Variants in SCRG1 observed in about 807,000 individuals in gnomAD.
SCRG1 encodes scrapie-responsive protein 1.
SCRG1 carries 3 observed loss-of-function variants against 7.7 expected under a neutral mutation model. The observed-to-expected ratio is 0.39, with a 90% CI of 0.18 to 1.01. The LOEUF is 1.01. Among genes scored for constraint, SCRG1 ranks in the 50% least tolerant of loss-of-function variants. SCRG1 has a pLI of 0.36. For synonymous variants in SCRG1, 46 were observed against 41.2 expected (o/e 1.12, Z -0.44); for missense variants, 110 against 117.2 (o/e 0.94, Z 0.28).
At chr4:173,479,316 TAG>T in the SCRG1 span, among the ~76,000 whole-genome samples, 1 of 152,134 alleles carries the variant, frequency 6.6e-6, no homozygotes, top group African/African-American at 2.4e-5. Context: ...AGGTTTATTG[TAG>T]ACACTGGTTC....
At chr4:173,437,669 G>GA in the SCRG1 span, among the ~76,000 whole-genome samples, 3 of 152,166 alleles carry the variant, frequency 2.0e-5, no homozygotes, top group Admixed American at 2.0e-4. Context: ...TCAGAAGCTA[G>GA]AATTACCAAA....
chr4:173,467,614 A>T, the SCRG1 span, among the ~76,000 whole-genome samples: 31 of 152,078 alleles, frequency 2.0e-4, no homozygotes, highest in Non-Finnish European at 4.3e-4. Flanking sequence ...AATTCTTAGA[A>T]CCCCTCCCGC....
At chr4:173,488,325 C>T in the SCRG1 span, among the ~76,000 whole-genome samples, 434 of 152,076 alleles carry the variant, frequency 2.9e-3, 3 homozygotes, top group African/African-American at 9.9e-3. Flanking sequence ...AAATCTCAGT[C>T]CATTCTGGGA....
the SCRG1 span, among the ~76,000 whole-genome samples, chr4:173,437,218 G>A: frequency 6.6e-6 from 1 of 152,056 alleles, no homozygotes; most frequent in Non-Finnish European, 1.5e-5. Context: ...AGCAATCTTA[G>A]GGCAATTTAC....
chr4:173,506,332 G>T, the SCRG1 span, among the ~76,000 whole-genome samples: 3 of 152,144 alleles, frequency 2.0e-5, no homozygotes, highest in Non-Finnish European at 4.4e-5. The surrounding 1 kb of genome is among the most constrained non-coding windows in gnomAD (Gnocchi z 5.3). Context: ...GTATGCTAGA[G>T]GCTCGTGGAG....
the SCRG1 span, among the ~76,000 whole-genome samples, chr4:173,479,054 A>T: frequency 1.3e-5 from 2 of 152,164 alleles, no homozygotes; most frequent in Non-Finnish European, 2.9e-5. Context: ...GCTTGTTCGT[A>T]CACTGGGTGC....
chr4:173,484,046 A>T, the SCRG1 span, among the ~76,000 whole-genome samples: 1 of 89,022 alleles, frequency 1.1e-5, no homozygotes, highest in Non-Finnish European at 1.9e-5. Flanking sequence ...ATAATTATAA[A>T]TATAATATAC....
upstream of SCRG1, among the ~76,000 whole-genome samples, chr4:173,411,309 AC>A (rs1198143155): frequency 1.4e-4 from 21 of 152,386 alleles, no homozygotes; most frequent in African/African-American, 4.6e-4. Context: ...CCTTGTGGCT[AC>A]AAAGATTCAG....
chr4:173,422,640 T>C, the SCRG1 span, among the ~76,000 whole-genome samples: 2 of 152,196 alleles, frequency 1.3e-5, no homozygotes, highest in African/African-American at 4.8e-5. Context: ...TCTAAATTGT[T>C]AAACAAGAGA....
the SCRG1 span, among the ~76,000 whole-genome samples, chr4:173,457,596 G>T: frequency 3.3e-5 from 5 of 152,182 alleles, no homozygotes; most frequent in Admixed American, 6.5e-5. Context: ...GGCTAGCAAG[G>T]CTGGCACTTG....
At chr4:173,405,621 C>T (rs1050260727) in intron 1 of SCRG1, among the ~76,000 whole-genome samples, 1 of 152,192 alleles carries the variant, frequency 6.6e-6, no homozygotes, top group African/African-American at 2.4e-5. Flanking sequence ...AGGATGAACT[C>T]ATGTATATTT....
chr4:173,408,221 A>G (rs1739957779), upstream of SCRG1, among the ~76,000 whole-genome samples: 1 of 152,220 alleles, frequency 6.6e-6, no homozygotes, highest in Non-Finnish European at 1.5e-5. Flanking sequence ...AGAGTCACCT[A>G]TGTCCACTGA....
At chr4:173,494,489 C>G in the SCRG1 span, among the ~76,000 whole-genome samples, 1 of 152,260 alleles carries the variant, frequency 6.6e-6, no homozygotes, top group Non-Finnish European at 1.5e-5. Context: ...ACGGGGTGCG[C>G]TCTTCACCTT....
At chr4:173,416,453 T>C in the SCRG1 span, among the ~76,000 whole-genome samples, 1 of 152,104 alleles carries the variant, frequency 6.6e-6, no homozygotes, top group Non-Finnish European at 1.5e-5. Context: ...GGAAGGAAGT[T>C]TCCAAATTTC....
the SCRG1 span, among the ~76,000 whole-genome samples, chr4:173,457,997 G>T: frequency 2.0e-5 from 3 of 152,146 alleles, no homozygotes; most frequent in African/African-American, 7.2e-5. Flanking sequence ...GATTCTACAG[G>T]CACCTGGCAG....
the SCRG1 span, among the ~76,000 whole-genome samples, chr4:173,512,477 CT>C: frequency 6.6e-6 from 1 of 152,260 alleles, no homozygotes; most frequent in Non-Finnish European, 1.5e-5. Context: ...ACCCTCTCCC[CT>C]GGCACTCAAG....
At chr4:173,407,072 G>C (rs1488005850), upstream of SCRG1, among the ~76,000 whole-genome samples, 5 of 150,846 alleles carry the variant, frequency 3.3e-5, no homozygotes. Flanking sequence ...AGCCAGGCAT[G>C]GGGGCACATG....
the SCRG1 span, among the ~76,000 whole-genome samples, chr4:173,515,432 A>AC: frequency 5.9e-5 from 9 of 151,976 alleles, 1 homozygote; most frequent in South Asian, 1.0e-3. This position sits in a 1 kb window ranked among gnomAD's most constrained non-coding sequence, Gnocchi z 4.6. Context: ...TAAAAAAAAA[A>AC]AACTTTAAGT....
chr4:173,482,920 CATATA>C, the SCRG1 span, among the ~76,000 whole-genome samples: 25 of 131,468 alleles, frequency 1.9e-4, no homozygotes, highest in Middle Eastern at 3.7e-3. Context: ...ATATATAATA[CATATA>C]ATATATTATA....
Sources: gnomAD v4.1 joint callset for allele counts (sites outside exome capture counted in the v4.1 genomes callset) on GRCh38, gnomAD v4.1.1 for gene constraint, Gnocchi (gnomAD v3.1) non-coding constraint, MANE v1.5 for transcripts, NCBI Gene and HGNC (gene_info 2026-07-23, HGNC 2026-07-21) for gene names.